GRIP1: variants seen among roughly 807,000 people sequenced by gnomAD.
GRIP1 encodes the protein glutamate receptor interacting protein 1.
GRIP1 carries 45 observed loss-of-function variants against 129.9 expected under a neutral mutation model. That is an observed-to-expected ratio of 0.35 (90% confidence interval 0.27 to 0.44). GRIP1 has a LOEUF of 0.44. Among genes scored for constraint, GRIP1 ranks in the 20% least tolerant of loss-of-function variants. GRIP1 has a pLI of 1.00. For missense variants in GRIP1, 1,196 were observed against 1,396.8 expected (o/e 0.86, Z 2.29); for synonymous variants, 530 against 520.8 (o/e 1.02, Z -0.24).
intron 1 of GRIP1, among the ~76,000 whole-genome samples, chr12:66,658,346 C>T (rs2033291942): frequency 6.6e-6 from 1 of 152,120 alleles, no homozygotes. Context: ...GAAGGAATGC[C>T]TAGTAAGTAA....
intron 1 of GRIP1, among the ~76,000 whole-genome samples, chr12:66,703,394 T>G (rs948197012): frequency 2.0e-5 from 3 of 152,012 alleles, no homozygotes; most frequent in Non-Finnish European, 2.9e-5. Flanking sequence ...TGATAATATC[T>G]ATATTAAAAA....
chr12:66,931,794 C>T (rs2041400373), intron 1 of GRIP1, among the ~76,000 whole-genome samples: 2 of 151,926 alleles, frequency 1.3e-5, no homozygotes, highest in Non-Finnish European at 2.9e-5. Flanking sequence ...TAACACTATC[C>T]AAAAATGTCT....
At chr12:66,624,211 C>T (rs1292689691) in intron 1 of GRIP1, among the ~76,000 whole-genome samples, 1 of 152,114 alleles carries the variant, frequency 6.6e-6, no homozygotes, top group East Asian at 1.9e-4. Context: ...TCAATTGGTT[C>T]CTCTGTTTCC....
upstream of GRIP1, among the ~76,000 whole-genome samples, chr12:66,804,419 T>A (rs554327285): frequency 1.4e-3 from 207 of 151,768 alleles, no homozygotes; most frequent in African/African-American, 4.4e-3. Flanking sequence ...CAATAAACTG[T>A]CAAATCTGTA....
chr12:67,026,760 C>T (rs984758630), intron 1 of GRIP1, among the ~76,000 whole-genome samples: 1 of 152,184 alleles, frequency 6.6e-6, no homozygotes, highest in African/African-American at 2.4e-5. Context: ...AACAACTCCT[C>T]AGAAGCCCCA....
At chr12:66,515,562 G>A in intron 7 of GRIP1, 57 bp downstream of exon 7, 1 of 1,487,972 alleles carries the variant, frequency 6.7e-7, no homozygotes, top group Non-Finnish European at 9.4e-7. Context: ...TGGTTTATCA[G>A]GGACAGACAG....
chr12:66,880,981 C>T (rs1238859149), intron 1 of GRIP1, among the ~76,000 whole-genome samples: 1 of 151,404 alleles, frequency 6.6e-6, no homozygotes, highest in Admixed American at 6.6e-5. Flanking sequence ...GGTAGAATTT[C>T]TGTTACTCTT....
At chr12:66,590,670 A>G (rs1305039120) in intron 2 of GRIP1, among the ~76,000 whole-genome samples, 1 of 152,136 alleles carries the variant, frequency 6.6e-6, no homozygotes, top group Non-Finnish European at 1.5e-5. Flanking sequence ...ACTTTTTCCT[A>G]GGGTGTTTTA....
At chr12:66,450,268 C>T (rs2058747418) in intron 11 of GRIP1, among the ~76,000 whole-genome samples, 1 of 122,570 alleles carries the variant, frequency 8.2e-6, no homozygotes, top group Non-Finnish European at 1.6e-5. Context: ...CTCGCCACTG[C>T]ACTCCAGCCT....
At position 66,827,387 on chromosome 12, in the gene GRIP1, T is replaced by TGTGTGTGTGTGTGAGAGAGAGAGA. The variant is rs755458052; in HGVS notation, c.59-230461_59-230460insTCTCTCTCTCTCACACACACACAC. Among the ~76,000 whole-genome samples, 61 of 108,286 alleles carry TGTGTGTGTGTGTGAGAGAGAGAGA rather than the reference T, an allele frequency of 5.6e-4. 1 individual carries two copies. The East Asian group carries it at 6.2e-3, about 11-fold the overall frequency. The allele number at this position is 108,286 out of a possible 152,430, so 71.0% of individuals were successfully genotyped here. On this transcript the variant is annotated intron_variant, in intron 1 of 1. Transcript: ENST00000643019. The stretch of plus-strand genomic sequence containing the variant: ...AGGTGTGTGTGTGTGTGTGTGTGTG[T>TGTGTGTGTGTGTGAGAGAGAGAGA]GAGAGAGAGAGAGAGAGAGAGAGAG...
chr12:66,807,646 C>G (rs2039020541), upstream of GRIP1, among the ~76,000 whole-genome samples: 1 of 151,916 alleles, frequency 6.6e-6, no homozygotes, highest in Non-Finnish European at 1.5e-5. Context: ...TGCACTCCAG[C>G]CTGGGCGATG....
At chr12:66,419,310 G>T (rs1166367122) in intron 15 of GRIP1, among the ~76,000 whole-genome samples, 5 of 151,674 alleles carry the variant, frequency 3.3e-5, no homozygotes, top group Non-Finnish European at 7.4e-5. Context: ...AAGGGTAGTG[G>T]GGGGGTCAGC....
intron 1 of GRIP1, among the ~76,000 whole-genome samples, chr12:66,749,222 C>A (rs988901001): frequency 6.6e-6 from 1 of 152,202 alleles, no homozygotes; most frequent in African/African-American, 2.4e-5. Context: ...AATCCAATCT[C>A]ATTTTCATAA....
chr12:66,838,720 G>C (rs1335845923), intron 1 of GRIP1, among the ~76,000 whole-genome samples: 1 of 152,146 alleles, frequency 6.6e-6, no homozygotes, highest in African/African-American at 2.4e-5. Context: ...GTTGATTCAG[G>C]TAATTCTTTT....
chr12:66,406,135 C>T (rs1347078203), intron 16 of GRIP1, 148 bp downstream of exon 16: 5 of 694,208 alleles, frequency 7.2e-6, no homozygotes, highest in Non-Finnish European at 1.2e-5. Flanking sequence ...ACTACACTCT[C>T]AGCACAAAAT....
chr12:66,769,225 A>ATTT (rs112284216), intron 1 of GRIP1, among the ~76,000 whole-genome samples: 105 of 144,808 alleles, frequency 7.3e-4, no homozygotes, highest in African/African-American at 2.5e-3. Context: ...CCAAATGGAA[A>ATTT]TTTTTTTTTT....
chr12:66,493,886 T>A (rs2060169261), intron 7 of GRIP1, among the ~76,000 whole-genome samples: 1 of 152,202 alleles, frequency 6.6e-6, no homozygotes, highest in Non-Finnish European at 1.5e-5. Context: ...GGGCTGCTTA[T>A]TCCTCTCCTC....
At chr12:66,684,123 G>T (rs554579842), upstream of GRIP1, among the ~76,000 whole-genome samples, 1 of 152,200 alleles carries the variant, frequency 6.6e-6, no homozygotes. Context: ...GCCTAGAACA[G>T]AGAGCAGTAA....
chr12:66,761,177 A>C lies in GRIP1; in HGVS notation c.-420+42876T>G, dbSNP rs117649813. ...ACTCCACTGTAACAGATCCTTCGCT[A>C]AATCTTGCCTTTCCTCTATCCCAAG... On this transcript the variant is annotated intron_variant, in intron 1 of 4. Coordinates refer to the GRIP1 transcript ENST00000538373. Among the ~76,000 whole-genome samples the C allele has an allele frequency of 5.3e-3, 805 of 151,994 alleles. 12 individuals are homozygous for C. Among genetic ancestry groups the C allele is most frequent in the Non-Finnish European group, 5.0e-3 (340 of 67,984 alleles).
Sources: gnomAD v4.1 joint callset for allele counts (sites outside exome capture counted in the v4.1 genomes callset) on GRCh38, gnomAD v4.1.1 for gene constraint, MANE v1.5 for transcripts, NCBI Gene and HGNC (gene_info 2026-07-23, HGNC 2026-07-21) for gene names.